The following ADAMTS12 variants were observed in gnomAD, a reference collection of about 807,000 sequenced individuals.
The protein encoded by ADAMTS12 is A disintegrin and metalloproteinase with thrombospondin motifs 12.
In ADAMTS12, 118 loss-of-function variants were observed where a neutral mutation model predicts 167.8. The observed-to-expected ratio is 0.70, with a 90% CI of 0.61 to 0.82. The LOEUF (loss-of-function observed/expected upper bound fraction) is 0.82, where lower values mean the gene tolerates loss of function less well. Ranked by LOEUF, ADAMTS12 falls within the 40% of genes least tolerant of loss-of-function variation. The probability of loss-of-function intolerance (pLI) is 0.00; values close to 1 mark genes in which losing one functional copy is unlikely to be tolerated. For missense variants in ADAMTS12, 1,916 were observed against 1,998.8 expected, an observed-to-expected ratio of 0.96 and a Z score of 0.79; for synonymous variants, 704 against 716.9, an observed-to-expected ratio of 0.98 and a Z score of 0.29.
At chr5:33,646,351 G>A (rs10057508) in intron 9 of ADAMTS12, among the ~76,000 whole-genome samples, 2,520 of 152,092 alleles carry the variant, frequency 0.017, 61 homozygotes, top group African/African-American at 0.057. Context: ...TTAGGTCTTC[G>A]ATTTATTAGT....
chr5:33,758,459 T>G (rs1373459022), intron 2 of ADAMTS12, among the ~76,000 whole-genome samples: 1 of 152,122 alleles, frequency 6.6e-6, no homozygotes, highest in Non-Finnish European at 1.5e-5. Flanking sequence ...GAAGTGAAGT[T>G]GATGGCAGGC....
chr5:33,643,139 G>C (rs1740527731), intron 10 of ADAMTS12, among the ~76,000 whole-genome samples: 3 of 152,208 alleles, frequency 2.0e-5, no homozygotes, highest in Admixed American at 1.3e-4. Flanking sequence ...AGATGAAACA[G>C]ATGTTTTACA....
chr5:33,670,517 G>A (rs1038267159), intron 5 of ADAMTS12, among the ~76,000 whole-genome samples: 2 of 152,150 alleles, frequency 1.3e-5, no homozygotes, highest in Admixed American at 1.3e-4. Context: ...TGAGATGGGT[G>A]GATCACCTGA....
chr5:33,826,640 A>T (rs1240457716), intron 2 of ADAMTS12, among the ~76,000 whole-genome samples: 1 of 151,924 alleles, frequency 6.6e-6, no homozygotes, highest in African/African-American at 2.4e-5. Flanking sequence ...ACATAGAAAT[A>T]TTCTTGATGA....
At chr5:33,807,319 T>A (rs1462428529) in intron 2 of ADAMTS12, among the ~76,000 whole-genome samples, 1 of 152,208 alleles carries the variant, frequency 6.6e-6, no homozygotes, top group African/African-American at 2.4e-5. Flanking sequence ...ACATCCAGAT[T>A]TCTAAATACA....
chr5:33,643,528 T>C (rs1369137267), intron 9 of ADAMTS12, 58 bp from the exon 10 acceptor site: 6 of 1,507,278 alleles, frequency 4.0e-6, no homozygotes, highest in East Asian at 2.3e-5. Flanking sequence ...AGCATTTCTA[T>C]AGTTACAGTA....
In ADAMTS12 at chr5:33,523,907, A is replaced by T. The variant is rs79492549; in HGVS notation, c.*3281T>A. ...TCACTGTGGACCAAGCACCAGAAAC[A>T]TCGTCCCAAAGATTCATCTTGAAGT... On this transcript the variant is annotated 3_prime_UTR_variant, in exon 24 of 24. Transcript: ENST00000504830. 1 of 152,214 alleles carries T rather than the reference A, an allele frequency of 6.6e-6. No individual in the cohort carries two copies. Among genetic ancestry groups the T allele is most frequent in the East Asian group, 1.9e-4 (1 of 5,200 alleles). The allele number at this position is 152,214 out of a possible 1,614,324, so 9.4% of individuals were successfully genotyped here.
At chr5:33,548,073 T>C (rs1174655535) in intron 21 of ADAMTS12, among the ~76,000 whole-genome samples, 3 of 152,132 alleles carry the variant, frequency 2.0e-5, no homozygotes, top group Non-Finnish European at 2.9e-5. Flanking sequence ...CGGTGGGTGG[T>C]AAGTAACTCG....
chr5:33,540,805 T>A (rs1744657044), intron 22 of ADAMTS12, among the ~76,000 whole-genome samples: 1 of 152,100 alleles, frequency 6.6e-6, no homozygotes, highest in Non-Finnish European at 1.5e-5. Flanking sequence ...AAAAAGGACA[T>A]CTACACCAAA....
intron 2 of ADAMTS12, among the ~76,000 whole-genome samples, chr5:33,849,707 G>A (rs141185915): frequency 0.033 from 4,036 of 122,338 alleles, 120 homozygotes; most frequent in African/African-American, 0.11. Context: ...TATATGTATT[G>A]CATAGCAATA....
intron 3 of ADAMTS12, among the ~76,000 whole-genome samples, chr5:33,739,288 AACAC>A (rs1162020695): frequency 1.3e-5 from 2 of 151,520 alleles, no homozygotes; most frequent in South Asian, 2.1e-4. Flanking sequence ...CATATAGGCA[AACAC>A]ACACACATTC....
At chr5:33,776,005 A>C (rs371042591) in intron 2 of ADAMTS12, among the ~76,000 whole-genome samples, 3 of 152,218 alleles carry the variant, frequency 2.0e-5, no homozygotes, top group East Asian at 3.8e-4. Context: ...TAAAGGAGTC[A>C]AATCATGAAG....
intron 3 of ADAMTS12, among the ~76,000 whole-genome samples, chr5:33,743,492 T>C (rs1744671190): frequency 6.6e-6 from 1 of 152,182 alleles, no homozygotes; most frequent in African/African-American, 2.4e-5. Context: ...CCAAGGCCCC[T>C]GCCTCTTTTG....
chr5:33,647,594 G>T (rs1001807872), intron 9 of ADAMTS12, among the ~76,000 whole-genome samples: 6 of 152,188 alleles, frequency 3.9e-5, no homozygotes, highest in African/African-American at 1.4e-4. Context: ...AGCTGGCCCT[G>T]TTGGCGCATA....
intron 2 of ADAMTS12, among the ~76,000 whole-genome samples, chr5:33,792,774 C>G (rs1296912886): frequency 6.6e-6 from 1 of 152,254 alleles, no homozygotes; most frequent in Admixed American, 6.5e-5. Flanking sequence ...CAGTCCTGCA[C>G]ATAAGGGACA....
At chr5:33,751,227 A>T (rs115479662) in intron 3 of ADAMTS12, 177 bp downstream of exon 3, 27,118 of 776,688 alleles carry the variant, frequency 0.035, 556 homozygotes, top group Non-Finnish European at 0.042. Context: ...ACAAGCAAAA[A>T]GAATGTACAC....
At position 33,805,559 on chromosome 5, in the gene ADAMTS12, G is replaced by C. The variant is rs568848365; in HGVS notation, c.490-54011C>G. 2.6e-5 allele frequency among the ~76,000 whole-genome samples: 4 copies of C among 152,332 alleles called. No homozygotes were observed. The South Asian group carries it at 8.3e-4, about 32-fold the overall frequency. ...CTTGTAATGTGGCAGTGGCTGTGCT[G>C]AATCTGCAGACCATCCTAATGGAGT... On this transcript the variant is annotated intron_variant, in intron 2 of 23. Transcript: ENST00000504830.
At chr5:33,530,565 G>A (rs1286522021) in intron 23 of ADAMTS12, among the ~76,000 whole-genome samples, 8 of 152,188 alleles carry the variant, frequency 5.3e-5, no homozygotes, top group Admixed American at 2.0e-4. Context: ...CAATCTCGTC[G>A]CTGTGTCTGT....
chr5:33,761,749 T>C (rs573720891), intron 2 of ADAMTS12, among the ~76,000 whole-genome samples: 1 of 152,306 alleles, frequency 6.6e-6, no homozygotes, highest in African/African-American at 2.4e-5. Flanking sequence ...CCCACTACCC[T>C]ATAAGGAGAA....
Sources: gnomAD v4.1 joint callset for allele counts (sites outside exome capture counted in the v4.1 genomes callset) on GRCh38, gnomAD v4.1.1 for gene constraint, MANE v1.5 for transcripts, NCBI Gene and HGNC (gene_info 2026-07-23, HGNC 2026-07-21) for gene names.